The following CERK variants were observed in gnomAD, a reference collection of about 807,000 sequenced individuals.
The protein encoded by CERK is acylsphingosine kinase.
CERK carries 39 observed loss-of-function variants against 63.4 expected under a neutral mutation model. That is an observed-to-expected ratio of 0.61 (90% confidence interval 0.48 to 0.80). The LOEUF (loss-of-function observed/expected upper bound fraction) is 0.80, where lower values mean the gene tolerates loss of function less well. CERK is among the 30% of genes least tolerant of loss of function. The pLI is 0.00. For missense variants in CERK, 670 were observed against 714.1 expected (o/e 0.94, Z 0.70); for synonymous variants, 302 against 280.0 (o/e 1.08, Z -0.78).
intron 7 of CERK, among the ~76,000 whole-genome samples, chr22:46,701,352 A>G (rs533457384): frequency 6.6e-6 from 1 of 152,396 alleles, no homozygotes; most frequent in East Asian, 1.9e-4. Flanking sequence ...ACTGAGCAAG[A>G]GTCAGGTGAG....
At chr22:46,709,656 C>G (rs975884374) in intron 5 of CERK, among the ~76,000 whole-genome samples, 2 of 152,166 alleles carry the variant, frequency 1.3e-5, no homozygotes, top group African/African-American at 4.8e-5. Flanking sequence ...CAATTTATAA[C>G]ACATTGCTCA....
At chr22:46,729,631 AC>A in intron 1 of CERK, among the ~76,000 whole-genome samples, 1 of 152,246 alleles carries the variant, frequency 6.6e-6, no homozygotes, top group Non-Finnish European at 1.5e-5. Context: ...CCAGGAAACA[AC>A]CCACAATAAA....
chr22:46,725,982 C>A lies in CERK; in HGVS notation c.143-4967G>T, dbSNP rs16995660. On this transcript the variant is annotated intron_variant, in intron 1 of 12. Coordinates refer to ENST00000216264, the MANE Select transcript of CERK (RefSeq NM_022766.6). ...TTGTGACTTACAGATGAAAACAGTG[C>A]CTGCTGTCAATCAGCTTTGATACTA... Among the ~76,000 whole-genome samples, 613 of 152,368 alleles carry A rather than the reference C, an allele frequency of 4.0e-3. 3 individuals are homozygous for A. The highest frequency in any genetic ancestry group is 0.014 in the African/African-American group (589 of 41,592).
In CERK at chr22:46,696,728, G is replaced by A. The variant is rs549122300; in HGVS notation, c.944-1413C>T. On this transcript the variant is annotated intron_variant, in intron 8 of 12. Coordinates refer to ENST00000216264, the MANE Select transcript of CERK (RefSeq NM_022766.6). ...CTTTCCTGAGAGCATCTCAGGCCCTGTGGCCAGGATGGGGATCCAGAGACC... is the reference window on the plus strand; with the variant it reads ...CTTTCCTGAGAGCATCTCAGGCCCTATGGCCAGGATGGGGATCCAGAGACC... Among the ~76,000 whole-genome samples, 15 of 152,352 alleles carry A rather than the reference G, an allele frequency of 9.8e-5. No homozygotes were observed. The East Asian group carries it at 2.7e-3, about 27-fold the overall frequency.
intron 3 of CERK, 42 bp from the exon 4 acceptor site, chr22:46,712,335 A>G: frequency 1.9e-6 from 3 of 1,600,332 alleles, no homozygotes; most frequent in Non-Finnish European, 2.6e-6. Flanking sequence ...AAATAACAAA[A>G]TCAAAACGAA....
chr22:46,691,611 A>AAAATT lies in CERK; in HGVS notation c.1288_1292dup (p.Phe431LeufsTer4). On this transcript the variant is annotated frameshift_variant, in exon 11 of 13. Transcript: ENST00000216264. LOFTEE classifies it high-confidence loss of function. ...TGGTGTGCCTGATGAGAAATCTCAG[A>AAAATT]AAATTGAACCTGGAGCATTTCCGGA... The AAAATT allele has an allele frequency of 6.2e-7, 1 of 1,614,004 alleles. No homozygotes were observed. The highest frequency in any genetic ancestry group is 8.5e-7 in the Non-Finnish European group (1 of 1,180,016).
intron 6 of CERK, among the ~76,000 whole-genome samples, chr22:46,704,284 C>T (rs1284528437): frequency 6.6e-6 from 1 of 152,150 alleles, no homozygotes; most frequent in Non-Finnish European, 1.5e-5. Flanking sequence ...CTCCTGAGGT[C>T]GTTGTGGATT....
At position 46,738,208 on chromosome 22, in the gene CERK, C is replaced by A. The variant is rs1381946613; in HGVS notation, c.-60G>T. On this transcript the variant is annotated 5_prime_UTR_variant, in exon 1 of 13. Coordinates refer to ENST00000216264, the MANE Select transcript of CERK (RefSeq NM_022766.6). ...GCGCGGACGCCGAGGGGCGCCGGAC[C>A]GTTAGCGGCCCCTGCAGTGGCCCGG... 4.7e-6 allele frequency: 5 copies of A among 1,054,972 alleles called. No homozygotes were observed. Among genetic ancestry groups the A allele is most frequent in the African/African-American group, 1.7e-5 (1 of 58,470 alleles). The allele number at this position is 1,054,972 out of a possible 1,614,324, so 65.4% of individuals were successfully genotyped here.
At position 46,691,775 on chromosome 22, in the gene CERK, C is replaced by G; in HGVS notation, c.1129G>C (p.Asp377His). Residue 377 changes from aspartate (D) to histidine (H), a missense_variant and splice_region_variant, in exon 11 of 13, where the codon GAC becomes CAC. Transcript: ENST00000216264. ...CAGACGACTTGCCACTCCTCCACGTCCTCTGAAGCACAAAGAACCACGGAG... is the reference window on the plus strand; with the variant it reads ...CAGACGACTTGCCACTCCTCCACGTGCTCTGAAGCACAAAGAACCACGGAG... ...KALYGLEAAE[D>H]VEEWQVVCGK... 4 of 1,607,858 alleles carry G rather than the reference C, an allele frequency of 2.5e-6. No homozygotes were observed. The highest frequency in any genetic ancestry group is 3.4e-6 in the Non-Finnish European group (4 of 1,175,372).
intron 5 of CERK, among the ~76,000 whole-genome samples, chr22:46,709,392 G>A (rs1216738909): frequency 2.0e-5 from 3 of 152,210 alleles, no homozygotes; most frequent in African/African-American, 7.2e-5. Flanking sequence ...TGGAGGTGGT[G>A]GGAAGAAGTA....
chr22:46,737,862 A>G, intron 1 of CERK, 145 bp downstream of exon 1: 2 of 238,152 alleles, frequency 8.4e-6, no homozygotes, highest in Non-Finnish European at 1.4e-5. Flanking sequence ...GCCTGCCCCG[A>G]CCCCTCCCTG....
chr22:46,694,100 G>A (rs1341527530), intron 9 of CERK, among the ~76,000 whole-genome samples: 1 of 151,990 alleles, frequency 6.6e-6, no homozygotes, highest in Non-Finnish European at 1.5e-5. Flanking sequence ...CTGATTTTAT[G>A]GTCTCCAATT....
intron 4 of CERK, among the ~76,000 whole-genome samples, chr22:46,711,654 C>A (rs1274549202): frequency 6.6e-6 from 1 of 152,158 alleles, no homozygotes; most frequent in African/African-American, 2.4e-5. Context: ...AGAATCGTTG[C>A]CCTTTTATCT....
intron 3 of CERK, among the ~76,000 whole-genome samples, chr22:46,715,626 C>T (rs951637363): frequency 6.6e-6 from 1 of 151,976 alleles, no homozygotes; most frequent in African/African-American, 2.4e-5. Flanking sequence ...TTCAAGGCCA[C>T]AGTGAGCTAT....
chr22:46,722,884 T>TGTCAGG (rs1194560020), intron 1 of CERK, among the ~76,000 whole-genome samples: 1 of 152,108 alleles, frequency 6.6e-6, no homozygotes, highest in African/African-American at 2.4e-5. Flanking sequence ...ACAGCCTCAC[T>TGTCAGG]GTCAGGGTCA....
intron 10 of CERK, 54 bp from the exon 11 acceptor site, chr22:46,691,831 C>T: frequency 6.6e-7 from 1 of 1,515,182 alleles, no homozygotes; most frequent in South Asian, 1.2e-5. Context: ...CCGGGCAGCG[C>T]CCTGCACCAG....
chr22:46,719,840 G>T (rs759201191), intron 3 of CERK, among the ~76,000 whole-genome samples: 1 of 152,166 alleles, frequency 6.6e-6, no homozygotes, highest in Non-Finnish European at 1.5e-5. Flanking sequence ...TAAGTGACCC[G>T]CCCCCAGGCC....
intron 5 of CERK, among the ~76,000 whole-genome samples, chr22:46,709,285 G>A (rs1326928700): frequency 2.6e-5 from 4 of 152,230 alleles, no homozygotes; most frequent in African/African-American, 7.2e-5. Flanking sequence ...CTCAAGAGGC[G>A]AGGCTGATCC....
At chr22:46,734,189 G>A (rs2082960793) in intron 1 of CERK, among the ~76,000 whole-genome samples, 1 of 151,926 alleles carries the variant, frequency 6.6e-6, no homozygotes, top group South Asian at 2.1e-4. Context: ...CATAGTCAAG[G>A]TGAATGGACT....
Sources: gnomAD v4.1 joint callset for allele counts (sites outside exome capture counted in the v4.1 genomes callset) on GRCh38, gnomAD v4.1.1 for gene constraint, MANE v1.5 for transcripts, NCBI Gene and HGNC (gene_info 2026-07-23, HGNC 2026-07-21) for gene names.